Variants in POU2F1 observed in about 807,000 individuals in gnomAD.
POU2F1 encodes the protein POU domain, class 2, transcription factor 1.
Under a neutral mutation model 84.9 loss-of-function variants are expected in POU2F1, and 16 were observed. The ratio of observed to expected loss-of-function variants is 0.19; its 90% CI spans 0.13 to 0.29. POU2F1 has a LOEUF of 0.29. Among genes scored for constraint, POU2F1 ranks in the 10% least tolerant of loss-of-function variants. The pLI, the probability that POU2F1 is intolerant of heterozygous loss-of-function variation, is 1.00. For synonymous variants in POU2F1, 368 were observed against 368.3 expected, an observed-to-expected ratio of 1.00 and a Z score of 0.01; for missense variants, 738 against 942.6, an observed-to-expected ratio of 0.78 and a Z score of 2.84.
At chr1:167,361,766 G>A (rs974984388) in intron 2 of POU2F1, among the ~76,000 whole-genome samples, 4 of 152,092 alleles carry the variant, frequency 2.6e-5, no homozygotes, top group African/African-American at 9.7e-5. Context: ...TTCCTTGTAC[G>A]GCTGGTAAAA....
intron 1 of POU2F1, among the ~76,000 whole-genome samples, chr1:167,277,499 A>T (rs1020142944): frequency 3.0e-5 from 3 of 100,976 alleles, no homozygotes; most frequent in South Asian, 2.6e-4. Flanking sequence ...CTGGCTAATT[A>T]AAAAAAAAAA....
At chr1:167,391,876 G>A (rs1425188293) in intron 9 of POU2F1, among the ~76,000 whole-genome samples, 1 of 151,786 alleles carries the variant, frequency 6.6e-6, no homozygotes, top group African/African-American at 2.4e-5. Flanking sequence ...ATATTTCTTT[G>A]GGAATTCATT....
intron 1 of POU2F1, among the ~76,000 whole-genome samples, chr1:167,274,917 G>T (rs1299037042): frequency 6.6e-6 from 1 of 150,666 alleles, no homozygotes; most frequent in African/African-American, 2.4e-5. Flanking sequence ...CTTTTTTGTT[G>T]TCTTTTAGAA....
intron 1 of POU2F1, among the ~76,000 whole-genome samples, chr1:167,231,547 C>G (rs1409042393): frequency 6.6e-6 from 1 of 152,160 alleles, no homozygotes; most frequent in Non-Finnish European, 1.5e-5. Context: ...ACCAATATGG[C>G]CAGTCTTTCT....
chr1:167,404,824 C>G (rs1649462222), intron 13 of POU2F1, among the ~76,000 whole-genome samples: 1 of 152,192 alleles, frequency 6.6e-6, no homozygotes, highest in Non-Finnish European at 1.5e-5. Flanking sequence ...TCTCCACCAT[C>G]CAGTTTTATC....
chr1:167,243,558 C>T (rs1265924012), intron 1 of POU2F1, among the ~76,000 whole-genome samples: 1 of 152,218 alleles, frequency 6.6e-6, no homozygotes, highest in Admixed American at 6.5e-5. Context: ...TCACTGCAAC[C>T]TCTGCCTCCC....
At chr1:167,235,471 A>C (rs1464693304) in intron 1 of POU2F1, among the ~76,000 whole-genome samples, 1 of 152,242 alleles carries the variant, frequency 6.6e-6, no homozygotes, top group Non-Finnish European at 1.5e-5. Flanking sequence ...ATTAGACTAT[A>C]GGGGCAAAGC....
At chr1:167,314,234 A>G (rs958894433) in intron 1 of POU2F1, among the ~76,000 whole-genome samples, 2 of 152,064 alleles carry the variant, frequency 1.3e-5, no homozygotes, top group Admixed American at 1.3e-4. Context: ...AAAGAAAGAA[A>G]TAGACATGTC....
intron 1 of POU2F1, among the ~76,000 whole-genome samples, chr1:167,284,151 C>T (rs1003396036): frequency 1.3e-5 from 2 of 152,168 alleles, no homozygotes; most frequent in Non-Finnish European, 2.9e-5. Flanking sequence ...ATTCAACTTT[C>T]TGTCTGCTCT....
intron 9 of POU2F1, among the ~76,000 whole-genome samples, chr1:167,395,707 C>T (rs949042518): frequency 5.3e-5 from 8 of 152,220 alleles, no homozygotes; most frequent in Non-Finnish European, 1.0e-4. Flanking sequence ...TGGGCTCAAG[C>T]GATCCTTCCA....
At chr1:167,346,747 G>A (rs1439240624) in intron 2 of POU2F1, among the ~76,000 whole-genome samples, 1 of 152,192 alleles carries the variant, frequency 6.6e-6, no homozygotes, top group African/African-American at 2.4e-5. Context: ...TTCCTAGCAG[G>A]CCACAGATTG....
rs1050024732 is a variant in POU2F1, at chr1:167,421,486, A to G, written c.*5676A>G. ...ACCCAGTTTTCTATATGGTTTGTGA[A>G]CTGTAGCTTTTAAAAAAAAATTTTG... On this transcript the variant is annotated 3_prime_UTR_variant, in exon 16 of 16. Coordinates refer to ENST00000367866, the MANE Select transcript of POU2F1 (RefSeq NM_002697.4). 2.6e-5 allele frequency: 4 copies of G among 152,136 alleles called. No homozygotes were observed. Among genetic ancestry groups the G allele is most frequent in the African/African-American group, 9.7e-5 (4 of 41,424 alleles). 9.4% of individuals were successfully genotyped at this position (152,136 alleles called of 1,614,324 possible). A position where few individuals can be genotyped will look rare whatever the true frequency, so the allele number is the denominator to read the frequency against.
intron 1 of POU2F1, among the ~76,000 whole-genome samples, chr1:167,326,963 G>A (rs1412562423): frequency 6.6e-6 from 1 of 152,164 alleles, no homozygotes; most frequent in African/African-American, 2.4e-5. Context: ...TCGTAAAGGC[G>A]GAAGAGGAGG....
intron 1 of POU2F1, among the ~76,000 whole-genome samples, chr1:167,262,494 C>T (rs1301054622): frequency 6.6e-6 from 1 of 152,190 alleles, no homozygotes; most frequent in Non-Finnish European, 1.5e-5. Flanking sequence ...CGTATCTGCC[C>T]TCAAAGGGAC....
intron 1 of POU2F1, among the ~76,000 whole-genome samples, chr1:167,281,502 G>A (rs1483471692): frequency 1.3e-5 from 2 of 152,240 alleles, no homozygotes; most frequent in African/African-American, 2.4e-5. Context: ...CTCCAGTGCA[G>A]CCACATGATG....
intron 1 of POU2F1, among the ~76,000 whole-genome samples, chr1:167,297,957 T>TAA (rs879907001): frequency 6.9e-6 from 1 of 144,212 alleles, no homozygotes; most frequent in African/African-American, 2.5e-5. Context: ...CCGTCTCTAC[T>TAA]AAAAAAAAAA....
intron 1 of POU2F1, among the ~76,000 whole-genome samples, chr1:167,316,989 T>C (rs1655951507): frequency 1.3e-5 from 2 of 152,142 alleles, no homozygotes; most frequent in Admixed American, 1.3e-4. Context: ...CCTCCTGGGT[T>C]CAAGCAATTC....
rs535927513 is a variant in POU2F1, at chr1:167,255,333, G to T, written c.61+34375G>T. 4.6e-5 allele frequency among the ~76,000 whole-genome samples: 7 copies of T among 152,250 alleles called. No individual in the cohort carries two copies. The South Asian group carries it at 1.4e-3, about 32-fold the overall frequency. ...TGTTCTCCTAAGTGTTTTAGAGTAG[G>T]TGGAACCCATGAATCTATAGATTAG... is the stretch of plus-strand genomic sequence containing the variant. On this transcript the variant is annotated intron_variant, in intron 1 of 15. Coordinates refer to ENST00000367866, the MANE Select transcript of POU2F1 (RefSeq NM_002697.4).
intron 9 of POU2F1, among the ~76,000 whole-genome samples, chr1:167,396,080 T>C (rs1648786956): frequency 6.6e-6 from 1 of 152,168 alleles, no homozygotes; most frequent in South Asian, 2.1e-4. Context: ...GTATTGAACA[T>C]TGTAACGATC....
Sources: gnomAD v4.1 joint callset for allele counts (sites outside exome capture counted in the v4.1 genomes callset) on GRCh38, gnomAD v4.1.1 for gene constraint, MANE v1.5 for transcripts, NCBI Gene and HGNC (gene_info 2026-07-23, HGNC 2026-07-21) for gene names.